Variants in PRH1 observed in about 807,000 individuals in gnomAD.
PRH1 encodes proline rich protein HaeIII subfamily 1.
PRH1 carries 7 observed loss-of-function variants against 7.9 expected under a neutral mutation model. The ratio of observed to expected loss-of-function variants is 0.89; its 90% CI spans 0.50 to 1.67. PRH1 has a LOEUF of 1.67. PRH1 is among the 40% of genes most tolerant of loss of function. The pLI is 0.00. For synonymous variants in PRH1, 45 were observed against 80.8 expected (o/e 0.56, Z 2.38); for missense variants, 109 against 223.6 (o/e 0.49, Z 3.27).
intron 2 of PRH1, among the ~76,000 whole-genome samples, chr12:10,905,347 T>C (rs1161439404): frequency 3.3e-5 from 5 of 151,960 alleles, no homozygotes; most frequent in Non-Finnish European, 5.9e-5. Context: ...AGCAAAGGCA[T>C]GGGAATCAAC....
chr12:10,965,295 C>A, intron 2 of PRH1: 1 of 1,398,496 alleles, frequency 7.2e-7, no homozygotes, highest in East Asian at 3.5e-5. Context: ...GCAAAATTCC[C>A]AAGAACAAAT....
chr12:10,997,345 C>T, intron 1 of PRH1: 1 of 1,614,040 alleles, frequency 6.2e-7, no homozygotes, highest in Non-Finnish European at 8.5e-7. Flanking sequence ...TGGCTACAGT[C>T]AAGTTGGAAA....
At position 11,076,107 on chromosome 12, in the gene PRH1, T is replaced by C. The variant is rs1215790458; in HGVS notation, n.124-28919A>G. On this transcript the variant is annotated intron_variant and non_coding_transcript_variant, in intron 1 of 4. Coordinates refer to the PRH1 transcript ENST00000541977. ...ATATATATATATATCAGATGAGGAG[T>C]TGACTTATTTTAAGTTTTACATAAC... Among the ~76,000 whole-genome samples the C allele has an allele frequency of 2.6e-4, 30 of 114,224 alleles. 10 individuals are homozygous for C. Among genetic ancestry groups the C allele is most frequent in the Non-Finnish European group, 4.8e-4 (23 of 48,392 alleles). 74.9% of individuals were successfully genotyped at this position (114,224 alleles called of 152,430 possible).
At position 10,919,633 on chromosome 12, in the gene PRH1, T is replaced by G. The variant is rs571239972; in HGVS notation, c.-58-35358A>C. Among the ~76,000 whole-genome samples, 5 of 152,182 alleles carry G rather than the reference T, an allele frequency of 3.3e-5. No individual in the cohort carries two copies. In the South Asian group the frequency reaches 8.3e-4, roughly 25 times the overall value. ...TAGAAATACAATTTTGTCCCAATATTAAATGACAGAGGTCTCAATATCATT... is the reference window on the plus strand; with the variant it reads ...TAGAAATACAATTTTGTCCCAATATGAAATGACAGAGGTCTCAATATCATT... On this transcript the variant is annotated intron_variant, in intron 2 of 3. Coordinates refer to the PRH1 transcript ENST00000539853.
At chr12:11,061,629 C>G in intron 1 of PRH1, 1 of 1,614,088 alleles carries the variant, frequency 6.2e-7, no homozygotes, top group South Asian at 1.1e-5. Context: ...TTATGTGGAC[C>G]TTCATGCTGG....
chr12:11,069,594 C>T (rs1943975465), intron 1 of PRH1, among the ~76,000 whole-genome samples: 1 of 152,210 alleles, frequency 6.6e-6, no homozygotes, highest in Non-Finnish European at 1.5e-5. Flanking sequence ...AACATGAAGA[C>T]TAACCTTGGC....
downstream of PRH1, among the ~76,000 whole-genome samples, chr12:11,116,267 C>T (rs1945729101): frequency 6.6e-6 from 1 of 151,690 alleles, no homozygotes. Flanking sequence ...AACTATATGC[C>T]AATAAATTGA....
rs1277772336 is a variant in PRH1 at position 11,148,711 on chromosome 12, G to C, written n.39+22711C>G. Among the ~76,000 whole-genome samples the C allele has an allele frequency of 1.8e-5, 2 of 113,544 alleles. 1 individual carries two copies. Among genetic ancestry groups the C allele is most frequent in the Non-Finnish European group, 4.2e-5 (2 of 47,954 alleles). 74.5% of individuals were successfully genotyped at this position (113,544 alleles called of 152,430 possible). ...TGCCAGTATTTTATTGAGGATTTTT[G>C]CATCAATGTTCATCAAGGATATTAG... On this transcript the variant is annotated intron_variant and non_coding_transcript_variant, in intron 1 of 1. Coordinates refer to the PRH1 transcript ENST00000541175.
At position 10,945,992 on chromosome 12, in the gene PRH1, T is replaced by C. The variant is rs141507320; in HGVS notation, c.-59+27663A>G. Among the ~76,000 whole-genome samples, 137 of 152,294 alleles carry C rather than the reference T, an allele frequency of 9.0e-4. 1 individual carries two copies. The highest frequency in any genetic ancestry group is 3.1e-3 in the African/African-American group (127 of 41,538). On this transcript the variant is annotated intron_variant, in intron 2 of 3. Coordinates refer to the PRH1 transcript ENST00000539853. ...ATCTCCCTTTTTCCCTAAACATTGC[T>C]GTTATCCTGTTCTTTTTTCAAGGTG... is the stretch of plus-strand genomic sequence containing the variant.
rs139430284 is a variant in PRH1, at chr12:10,909,235, A to T, written c.-58-24960T>A. 6.8e-6 allele frequency: 11 copies of T among 1,613,658 alleles called. 1 individual carries two copies. In the Middle Eastern group the frequency reaches 6.6e-4, roughly 96 times the overall value. ...ATCAGTACTATAAATCCATTGCTCA[A>T]ATTCCCAATTATGAATTCTGCAATT... On this transcript the variant is annotated intron_variant, in intron 2 of 3. Transcript: ENST00000539853.
chr12:10,889,655 A>G (rs1461275856), intron 2 of PRH1, among the ~76,000 whole-genome samples: 1 of 152,088 alleles, frequency 6.6e-6, no homozygotes, highest in Non-Finnish European at 1.5e-5. Context: ...ATAGTACATC[A>G]TTTGTTATAG....
intron 2 of PRH1, among the ~76,000 whole-genome samples, chr12:10,954,339 G>A (rs1360104772): frequency 6.6e-6 from 1 of 152,158 alleles, no homozygotes; most frequent in East Asian, 1.9e-4. Context: ...GAAGCAAGAC[G>A]CAATGGTATA....
chr12:10,906,239 G>C (rs900064069), intron 2 of PRH1, among the ~76,000 whole-genome samples: 2 of 152,208 alleles, frequency 1.3e-5, no homozygotes, highest in Non-Finnish European at 2.9e-5. Context: ...TAGGCTTTCT[G>C]TCCTTATACT....
chr12:10,999,316 A>G (rs1159290495), intron 1 of PRH1, among the ~76,000 whole-genome samples: 1 of 152,164 alleles, frequency 6.6e-6, no homozygotes, highest in Non-Finnish European at 1.5e-5. Context: ...ATCTAAAACT[A>G]GAAGAAAACT....
At chr12:10,912,419 T>A (rs968625875) in intron 2 of PRH1, among the ~76,000 whole-genome samples, 20 of 152,290 alleles carry the variant, frequency 1.3e-4, no homozygotes, top group African/African-American at 4.6e-4. Flanking sequence ...TCTTATTAAA[T>A]TTTTAATACC....
At chr12:11,075,223 G>A in intron 1 of PRH1, among the ~76,000 whole-genome samples, 1 of 116,282 alleles carries the variant, frequency 8.6e-6, no homozygotes. Flanking sequence ...TAATGTGTAA[G>A]AAAGGTGACT....
rs1944874551 is a variant in PRH1 at position 11,091,135 on chromosome 12, T to TATATATAC, written n.124-43948_124-43947insGTATATAT. Among the ~76,000 whole-genome samples, 2 of 49,680 alleles carry TATATATAC rather than the reference T, an allele frequency of 4.0e-5. 1 individual carries two copies. The highest frequency in any genetic ancestry group is 1.1e-4 in the Non-Finnish European group (2 of 18,024). 32.6% of individuals were successfully genotyped at this position (49,680 alleles called of 152,430 possible). ...ACACACATATATATATATATATATATATATATATTTTCTAGACTGCCATTG... is the reference window on the plus strand; with the variant it reads ...ACACACATATATATATATATATATATATATATACATATATATTTTCTAGACTGCCATTG... On this transcript the variant is annotated intron_variant and non_coding_transcript_variant, in intron 1 of 4. Transcript: ENST00000541977.
chr12:10,939,062 G>A (rs867214827), intron 2 of PRH1: 1 of 1,614,008 alleles, frequency 6.2e-7, no homozygotes. Context: ...TGCCAAAGCA[G>A]TGAGGATCCG....
intron 1 of PRH1, among the ~76,000 whole-genome samples, chr12:11,091,115 C>CATAT (rs1555163213): frequency 0.029 from 740 of 25,122 alleles, 140 homozygotes; most frequent in African/African-American, 0.057. Flanking sequence ...CACACACACA[C>CATAT]ATATATATAT....
Sources: allele counts gnomAD v4.1 joint callset (sites outside exome capture counted in the v4.1 genomes callset), GRCh38; gene constraint gnomAD v4.1.1; transcripts MANE v1.5; gene names NCBI Gene and HGNC (gene_info 2026-07-23, HGNC 2026-07-21).